Variants in GNG12 observed in about 807,000 individuals in gnomAD.
The protein encoded by GNG12 is guanine nucleotide-binding protein G(I)/G(S)/G(O) subunit gamma-12.
For missense variants in GNG12, 69 were observed against 83.8 expected (o/e 0.82, Z 0.69); for synonymous variants, 28 against 29.7 (o/e 0.94, Z 0.19).
At chr1:67,817,799 T>G (rs1646961591) in intron 1 of GNG12, among the ~76,000 whole-genome samples, 1 of 146,714 alleles carries the variant, frequency 6.8e-6, no homozygotes, top group African/African-American at 2.5e-5. Context: ...TTTTTTTTTT[T>G]TTTTTTTTGC....
At chr1:67,719,333 T>G (rs1646344253) in intron 2 of GNG12, among the ~76,000 whole-genome samples, 1 of 152,126 alleles carries the variant, frequency 6.6e-6, no homozygotes, top group Non-Finnish European at 1.5e-5. Context: ...CCTTCATGAA[T>G]TCCTGCTACA....
At chr1:67,797,624 C>T (rs1646839878) in intron 1 of GNG12, among the ~76,000 whole-genome samples, 1 of 152,228 alleles carries the variant, frequency 6.6e-6, no homozygotes, top group African/African-American at 2.4e-5. Flanking sequence ...TGTGATAGTT[C>T]TGACTTTTGA....
chr1:67,718,554 T>C (rs146710945), intron 2 of GNG12, among the ~76,000 whole-genome samples: 92 of 152,316 alleles, frequency 6.0e-4, no homozygotes, highest in African/African-American at 2.0e-3. Flanking sequence ...CTCTGGACTC[T>C]GAAAATCTTA....
chr1:67,750,044 A>G (rs1002312355), intron 2 of GNG12, among the ~76,000 whole-genome samples: 11 of 152,368 alleles, frequency 7.2e-5, no homozygotes, highest in African/African-American at 2.4e-4. Context: ...CTCTGGGTAC[A>G]GAAGGTACCC....
intron 2 of GNG12, among the ~76,000 whole-genome samples, chr1:67,740,946 G>A (rs1646479955): frequency 6.6e-6 from 1 of 152,100 alleles, no homozygotes; most frequent in South Asian, 2.1e-4. Context: ...CCATGAATAT[G>A]AATGAACAGG....
Position 67,808,828 on chromosome 1 carries a change from A to G in GNG12, c.-77+24516T>C, listed in dbSNP as rs1369619658. Among the ~76,000 whole-genome samples the G allele has an allele frequency of 2.0e-5, 3 of 152,196 alleles. No homozygotes were observed. The East Asian group carries it at 5.8e-4, about 29-fold the overall frequency. On this transcript the variant is annotated intron_variant, in intron 1 of 3. Coordinates refer to ENST00000370982, the MANE Select transcript of GNG12 (RefSeq NM_018841.6). ...TAAATGAAAGAGAGTCCATGTTCAC[A>G]GACAGGAAAACACAATATTGTCAAG...
At chr1:67,807,415 G>A (rs1285407876) in intron 1 of GNG12, among the ~76,000 whole-genome samples, 1 of 148,900 alleles carries the variant, frequency 6.7e-6, no homozygotes. Flanking sequence ...CATGGGCAAA[G>A]ATTAATATAC....
chr1:67,787,566 G>A (rs1431522891), intron 1 of GNG12, among the ~76,000 whole-genome samples: 2 of 152,156 alleles, frequency 1.3e-5, no homozygotes, highest in African/African-American at 2.4e-5. Flanking sequence ...ATCAGAAAGA[G>A]CACTGACAGG....
intron 1 of GNG12, among the ~76,000 whole-genome samples, chr1:67,817,037 C>T (rs1646957267): frequency 6.6e-6 from 1 of 152,160 alleles, no homozygotes; most frequent in South Asian, 2.1e-4. Flanking sequence ...ATCTTCTATG[C>T]ATGGGACACT....
chr1:67,778,877 T>C (rs1381338831), intron 1 of GNG12, among the ~76,000 whole-genome samples: 1 of 152,204 alleles, frequency 6.6e-6, no homozygotes, highest in East Asian at 1.9e-4. Context: ...GGTTAGATAA[T>C]AGCAGTGATG....
chr1:67,780,121 G>A (rs1007507739), intron 1 of GNG12, among the ~76,000 whole-genome samples: 5 of 152,130 alleles, frequency 3.3e-5, no homozygotes, highest in Non-Finnish European at 5.9e-5. Context: ...CTGTACTATT[G>A]GTAATATTAA....
intron 2 of GNG12, among the ~76,000 whole-genome samples, chr1:67,763,387 T>C (rs1646617641): frequency 6.6e-6 from 1 of 152,240 alleles, no homozygotes; most frequent in South Asian, 2.1e-4. Context: ...TGAGTATGTC[T>C]TGGTTTTTAA....
At chr1:67,789,911 T>C (rs1183880023) in intron 1 of GNG12, among the ~76,000 whole-genome samples, 3 of 152,178 alleles carry the variant, frequency 2.0e-5, no homozygotes, top group African/African-American at 7.2e-5. Flanking sequence ...AAGTATCCCA[T>C]GCTAGTTTTG....
chr1:67,761,546 A>G (rs1409213409), intron 2 of GNG12, among the ~76,000 whole-genome samples: 1 of 152,216 alleles, frequency 6.6e-6, no homozygotes, highest in African/African-American at 2.4e-5. Context: ...AACAGGGGGC[A>G]TCTTGTTCAA....
At chr1:67,723,075 G>C (rs1646364991) in intron 2 of GNG12, among the ~76,000 whole-genome samples, 1 of 152,158 alleles carries the variant, frequency 6.6e-6, no homozygotes, top group Non-Finnish European at 1.5e-5. Context: ...TTAGGAGTTA[G>C]TGCATGAGAT....
chr1:67,767,531 G>T (rs989637628), intron 2 of GNG12, among the ~76,000 whole-genome samples: 2 of 152,154 alleles, frequency 1.3e-5, no homozygotes, highest in Non-Finnish European at 2.9e-5. Flanking sequence ...TCCACCCATG[G>T]GAAGGTTATG....
At chr1:67,792,436 T>A (rs1468495924) in intron 1 of GNG12, among the ~76,000 whole-genome samples, 1 of 152,202 alleles carries the variant, frequency 6.6e-6, no homozygotes, top group African/African-American at 2.4e-5. Context: ...AAGGCATGAT[T>A]TTTAAACTAC....
intron 2 of GNG12, among the ~76,000 whole-genome samples, chr1:67,740,237 T>C (rs1487995321): frequency 6.6e-6 from 1 of 152,254 alleles, no homozygotes; most frequent in Non-Finnish European, 1.5e-5. Context: ...TAATTCGCTA[T>C]ACAGGGCTAT....
intron 1 of GNG12, among the ~76,000 whole-genome samples, chr1:67,789,409 T>C (rs1473313921): frequency 6.6e-6 from 1 of 152,160 alleles, no homozygotes; most frequent in African/African-American, 2.4e-5. Flanking sequence ...TTAAAAACAC[T>C]TTTCATTAGC....
Sources: allele counts gnomAD v4.1 joint callset (sites outside exome capture counted in the v4.1 genomes callset), GRCh38; gene constraint gnomAD v4.1.1; transcripts MANE v1.5; gene names NCBI Gene and HGNC (gene_info 2026-07-23, HGNC 2026-07-21).